The following FLII variants were observed in gnomAD, a reference collection of about 807,000 sequenced individuals.
FLII encodes protein flightless-1 homolog.
In FLII, 101 loss-of-function variants were observed where a neutral mutation model predicts 156.2. The observed-to-expected ratio is 0.65, with a 90% CI of 0.55 to 0.76. The LOEUF (loss-of-function observed/expected upper bound fraction) is 0.76, where lower values mean the gene tolerates loss of function less well. Among genes scored for constraint, FLII ranks in the 30% least tolerant of loss-of-function variants. The probability of loss-of-function intolerance (pLI) is 0.00; values close to 1 mark genes in which losing one functional copy is unlikely to be tolerated. For missense variants in FLII, 1,675 were observed against 1,682.8 expected (o/e 1.00, Z 0.08); for synonymous variants, 767 against 685.8 (o/e 1.12, Z -1.85).
chr17:18,245,191 C>T lies in FLII; in HGVS notation c.3757G>A (p.Ala1253Thr), dbSNP rs185087719. Residue 1253 changes from alanine to threonine, a missense_variant, in exon 30 of 30, where the codon GCC becomes ACC. Ala to Thr is a moderately conservative substitution (Grantham distance 58). Coordinates refer to ENST00000327031, the MANE Select transcript of FLII (RefSeq NM_002018.4). Reference protein sequence around the residue: ...RLVRKGNEQHAFTRCFHAWSA... With the variant: ...RLVRKGNEQHTFTRCFHAWSA... ...CAGGCGTGGAAGCAGCGGGTAAAGG[C>T]GTGCTGCTCATTGCCCTTGCGGACC... 25 of 1,613,902 alleles carry T rather than the reference C, an allele frequency of 1.5e-5. No individual in the cohort carries two copies. The East Asian group carries it at 3.8e-4, about 24-fold the overall frequency.
rs761649137 is a variant in FLII at position 18,252,565 on chromosome 17, A to ACAGGGCCAGC, written c.1014-19_1014-10dup. The stretch of plus-strand genomic sequence containing the variant: ...TCCTCAGCTTTGGGCACCTGTGAAG[A>ACAGGGCCAGC]CAGGGCCAGCCAGGGCCTCAGGCAG... On this transcript the variant is annotated splice_polypyrimidine_tract_variant and intron_variant, in intron 9 of 29. Coordinates refer to ENST00000327031, the MANE Select transcript of FLII (RefSeq NM_002018.4). The ACAGGGCCAGC allele has an allele frequency of 7.4e-6, 12 of 1,612,528 alleles. No individual in the cohort carries two copies. In the East Asian group the frequency reaches 2.5e-4, roughly 33 times the overall value.
intron 14 of FLII, 79 bp downstream of exon 14, chr17:18,250,759 T>G: frequency 4.7e-6 from 7 of 1,475,326 alleles, no homozygotes; most frequent in Non-Finnish European, 6.5e-6. Context: ...TCTGCCTACC[T>G]GCCTTGGGCC....
rs200812359 is a variant in FLII, at chr17:18,249,341, G to A, written c.1844C>T (p.Thr615Ile). ...TASGFYTVEDTHYVTRMYRVY... is the reference protein window; with the variant it reads ...TASGFYTVEDIHYVTRMYRVY... Reference sequence around the variant, plus strand: ...ACACCCTCACCTGGTGACATAGTGTGTGTCTTCCACAGTGTAGAAGCCACT... The same window carrying A: ...ACACCCTCACCTGGTGACATAGTGTATGTCTTCCACAGTGTAGAAGCCACT... The change falls in exon 15 of 30, where the codon ACA becomes ATA. Residue 615 changes from threonine (T) to isoleucine (I), a missense_variant. Physicochemically the swap from Thr to Ile is moderately conservative, Grantham distance 89. Transcript: ENST00000327031. 2 of 1,613,954 alleles carry A rather than the reference G, an allele frequency of 1.2e-6. No homozygotes were observed. The highest frequency in any genetic ancestry group is 1.3e-5 in the African/African-American group (1 of 74,906).
chr17:18,254,309 G>T, intron 6 of FLII, 127 bp from the exon 7 acceptor site: 1 of 856,172 alleles, frequency 1.2e-6, no homozygotes, highest in Non-Finnish European at 1.8e-6. Context: ...TGGTTGAAGG[G>T]ACAAGCCCAA....
rs765950867 is a variant in FLII at position 18,256,610 on chromosome 17, G to C, written c.175-13C>G. 14 of 1,550,684 alleles carry C rather than the reference G, an allele frequency of 9.0e-6. No homozygotes were observed. Among genetic ancestry groups the C allele is most frequent in the Admixed American group, 2.0e-5 (1 of 50,990 alleles). The stretch of plus-strand genomic sequence containing the variant: ...CAGACAAGTGTTCCTGGGCCGGAAT[G>C]GGGAGCACAGGCTCAGCAGGGTGGG... On this transcript the variant is annotated splice_polypyrimidine_tract_variant and intron_variant, in intron 2 of 29. Transcript: ENST00000327031.
chr17:18,255,318 CAG>C (rs2048382936), intron 3 of FLII, 55 bp from the exon 4 acceptor site: 2 of 1,453,850 alleles, frequency 1.4e-6, no homozygotes, highest in Non-Finnish European at 1.9e-6. Context: ...CAGGAAGGAA[CAG>C]AGTCTAGAGA....
At chr17:18,248,478 G>C in intron 18 of FLII, 72 bp downstream of exon 18, 1 of 1,406,262 alleles carries the variant, frequency 7.1e-7, no homozygotes, top group South Asian at 1.3e-5. Flanking sequence ...CAACTACATC[G>C]GTGTGTAGTC....
chr17:18,251,628 C>A (rs1450385193), intron 12 of FLII, 52 bp downstream of exon 12: 2 of 1,611,800 alleles, frequency 1.2e-6, no homozygotes, highest in East Asian at 4.5e-5. Flanking sequence ...CAGGGTCGGC[C>A]TTCAGCAGAA....
chr17:18,255,033 A>G, intron 4 of FLII, 150 bp downstream of exon 4: 1 of 915,330 alleles, frequency 1.1e-6, no homozygotes, highest in Non-Finnish European at 1.8e-6. Context: ...ATCTGACTCC[A>G]AAAGTGACCT....
chr17:18,248,791 T>A lies in FLII; in HGVS notation c.2018+9A>T, dbSNP rs372788656. The A allele has an allele frequency of 2.2e-5, 36 of 1,613,864 alleles. No homozygotes were observed. Among genetic ancestry groups the A allele is most frequent in the African/African-American group, 5.3e-5 (4 of 74,912 alleles). On this transcript the variant is annotated intron_variant, in intron 17 of 29. Coordinates refer to ENST00000327031, the MANE Select transcript of FLII (RefSeq NM_002018.4). Reference sequence around the variant, plus strand: ...CCTTCACACAAAAGACCCCACGGTGTCCTTGTACCTGGCCTTGGTGGTGCT... The same window carrying A: ...CCTTCACACAAAAGACCCCACGGTGACCTTGTACCTGGCCTTGGTGGTGCT...
chr17:18,255,386 T>C, intron 3 of FLII, 123 bp from the exon 4 acceptor site: 1 of 728,788 alleles, frequency 1.4e-6, no homozygotes, highest in South Asian at 1.7e-5. Flanking sequence ...CTCTCACCTC[T>C]GGCCTTTGAT....
rs974173198 is a variant in FLII, at chr17:18,249,276, C to T, written c.1859+50G>A. 4 of 1,611,284 alleles carry T rather than the reference C, an allele frequency of 2.5e-6. No homozygotes were observed. The African/African-American group carries it at 5.3e-5, about 22-fold the overall frequency. The stretch of plus-strand genomic sequence containing the variant: ...AGCCCCAACACCCTCCCCTCCACCC[C>T]TTGCCAGCAGACTCCAGGTCCATAC... On this transcript the variant is annotated intron_variant, in intron 15 of 29. Coordinates refer to ENST00000327031, the MANE Select transcript of FLII (RefSeq NM_002018.4).
intron 6 of FLII, 146 bp from the exon 7 acceptor site, chr17:18,254,328 G>T: frequency 2.5e-6 from 2 of 815,194 alleles, no homozygotes; most frequent in Non-Finnish European, 3.8e-6. Flanking sequence ...AAGGGTGGTT[G>T]CGGGGTGTGT....
At position 18,253,486 on chromosome 17, in the gene FLII, G is replaced by T. The variant is rs547566892; in HGVS notation, c.856-28C>A. On this transcript the variant is annotated intron_variant, in intron 8 of 29. Coordinates refer to ENST00000327031, the MANE Select transcript of FLII (RefSeq NM_002018.4). ...GGAGGGGGAACGGGCAGGGGTGGGA[G>T]GTCAGGGCCAGGCTCACGGCCTTCC... 7.4e-6 allele frequency: 12 copies of T among 1,613,718 alleles called. No homozygotes were observed. The Admixed American group carries it at 2.0e-4, about 27-fold the overall frequency.
chr17:18,250,714 C>T, intron 14 of FLII, 124 bp downstream of exon 14: 1 of 1,030,252 alleles, frequency 9.7e-7, no homozygotes, highest in Non-Finnish European at 1.4e-6. Context: ...GTTGATCCAC[C>T]CCCTTTAACC....
chr17:18,257,006 G>A lies in FLII; in HGVS notation c.77C>T (p.Pro26Leu), dbSNP rs1194882436. 3 of 1,607,442 alleles carry A rather than the reference G, an allele frequency of 1.9e-6. No homozygotes were observed. Among genetic ancestry groups the A allele is most frequent in the African/African-American group, 1.3e-5 (1 of 74,806 alleles). ...GCTGGTCATGGCCTTGACATTCTCAGGGAAGTAGCCGCCCTGGGGGAAGGA... is the reference window on the plus strand; with the variant it reads ...GCTGGTCATGGCCTTGACATTCTCAAGGAAGTAGCCGCCCTGGGGGAAGGA... ...SGNDFKGGYF[P>L]ENVKAMTSLR... is the part of the protein sequence containing the mutation. Residue 26 changes from proline (P) to leucine (L), a missense_variant, in exon 2 of 30, where the codon CCT becomes CTT. Pro to Leu is a moderately conservative substitution (Grantham distance 98, BLOSUM62 -3). This residue lies in a region of FLII where 343 missense variants were observed against 413.5 expected (regional missense o/e 0.83). Transcript: ENST00000327031.
At chr17:18,254,406 G>A in intron 6 of FLII, 115 bp downstream of exon 6, 1 of 1,090,326 alleles carries the variant, frequency 9.2e-7, no homozygotes. Context: ...GGTGCTGCCT[G>A]CACGGAGGGA....
At chr17:18,257,933 A>G (rs2048475325) in intron 1 of FLII, among the ~76,000 whole-genome samples, 1 of 152,034 alleles carries the variant, frequency 6.6e-6, no homozygotes, top group Admixed American at 6.5e-5. Flanking sequence ...CTCATTCTTG[A>G]GTCCTGGAAC....
In FLII at chr17:18,247,683, G is replaced by A. The variant is rs1415942843; in HGVS notation, c.2461C>T (p.Arg821Cys). 1.3e-6 allele frequency: 2 copies of A among 1,597,510 alleles called. No individual in the cohort carries two copies. Among genetic ancestry groups the A allele is most frequent in the Non-Finnish European group, 1.7e-6 (2 of 1,176,780 alleles). The change falls in exon 20 of 30, where the codon CGC becomes TGC. Residue 821 changes from arginine to cysteine, a missense_variant. By Grantham distance (180) the Arg-to-Cys change is radical (BLOSUM62 -3). Coordinates refer to ENST00000327031, the MANE Select transcript of FLII (RefSeq NM_002018.4). ...TGCGCCTCGGTGCCCTCGAGGCTGC[G>A]GCTGACCGTGGCATGGCGTGGCCGG... ...LHRPRHATVS[R>C]SLEGTEAQVF...
Sources: allele counts gnomAD v4.1 joint callset (sites outside exome capture counted in the v4.1 genomes callset), GRCh38; gene constraint gnomAD v4.1.1; regional missense constraint gnomAD v4.1.1; transcripts MANE v1.5; gene names NCBI Gene and HGNC (gene_info 2026-07-23, HGNC 2026-07-21).